COG5: variants seen among roughly 807,000 people sequenced by gnomAD.
COG5 encodes the protein conserved oligomeric Golgi complex subunit 5.
A neutral mutation model predicts 110.4 loss-of-function variants in COG5; 86 were observed. The ratio of observed to expected loss-of-function variants is 0.78; its 90% confidence interval spans 0.65 to 0.93. COG5 has a LOEUF of 0.93. Among genes scored for constraint, COG5 ranks in the 40% least tolerant of loss-of-function variants. The pLI, the probability that COG5 is intolerant of heterozygous loss-of-function variation, is 0.00. For synonymous variants in COG5, 360 were observed against 334.6 expected (o/e 1.08, Z -0.83); for missense variants, 1,077 against 987.0 (o/e 1.09, Z -1.22).
chr7:107,317,406 T>C (rs1808855400), intron 11 of COG5, among the ~76,000 whole-genome samples: 2 of 152,230 alleles, frequency 1.3e-5, no homozygotes, highest in African/African-American at 2.4e-5. Flanking sequence ...CTGATCAGCA[T>C]TAAACTTCCA....
At chr7:107,398,779 C>G (rs139921061) in intron 7 of COG5, among the ~76,000 whole-genome samples, 1 of 152,240 alleles carries the variant, frequency 6.6e-6, no homozygotes, top group East Asian at 1.9e-4. Flanking sequence ...TATAATCTAT[C>G]AAAATTAGTA....
intron 6 of COG5, among the ~76,000 whole-genome samples, chr7:107,454,646 G>A (rs1795550272): frequency 6.6e-6 from 1 of 151,970 alleles, no homozygotes; most frequent in Admixed American, 6.6e-5. Context: ...ATGAAGAAGA[G>A]ATTCTTTTGT....
chr7:107,269,266 A>C (rs930220451), intron 14 of COG5, among the ~76,000 whole-genome samples: 7 of 152,112 alleles, frequency 4.6e-5, no homozygotes, highest in African/African-American at 1.4e-4. Context: ...ACGAGGTCAC[A>C]AGATTGAGAC....
intron 8 of COG5, among the ~76,000 whole-genome samples, chr7:107,367,583 C>T (rs1813747405): frequency 6.6e-6 from 1 of 151,942 alleles, no homozygotes; most frequent in Non-Finnish European, 1.5e-5. Flanking sequence ...CACACACACA[C>T]ACCATGGAAC....
intron 6 of COG5, among the ~76,000 whole-genome samples, chr7:107,480,444 G>C (rs1797272914): frequency 6.6e-6 from 1 of 152,070 alleles, no homozygotes; most frequent in African/African-American, 2.4e-5. Context: ...AGTTAAAAAT[G>C]AGTTGACCAA....
chr7:107,513,777 T>C (rs1283203289), intron 6 of COG5, among the ~76,000 whole-genome samples: 1 of 152,040 alleles, frequency 6.6e-6, no homozygotes, highest in Non-Finnish European at 1.5e-5. Context: ...AAACCATCAT[T>C]CTCAGCAAAC....
intron 6 of COG5, among the ~76,000 whole-genome samples, chr7:107,500,792 G>T (rs1297882404): frequency 6.6e-6 from 1 of 152,032 alleles, no homozygotes; most frequent in Non-Finnish European, 1.5e-5. Context: ...CTCTAACACA[G>T]AAGTTAAAAA....
chr7:107,456,161 C>T (rs1396506498), intron 6 of COG5, among the ~76,000 whole-genome samples: 4 of 152,064 alleles, frequency 2.6e-5, no homozygotes, highest in South Asian at 4.1e-4. Context: ...GCTAACCTAT[C>T]GGTTCTAACA....
chr7:107,227,518 T>C (rs562325297), intron 19 of COG5, among the ~76,000 whole-genome samples: 15 of 152,170 alleles, frequency 9.9e-5, no homozygotes, highest in Non-Finnish European at 2.1e-4. Context: ...TTAGAGATTC[T>C]TTCTCTCATG....
chr7:107,278,010 G>T (rs1452343458), intron 14 of COG5, among the ~76,000 whole-genome samples: 1 of 151,998 alleles, frequency 6.6e-6, no homozygotes, highest in African/African-American at 2.4e-5. Flanking sequence ...CCTTTCTCCT[G>T]ATATGAATAA....
At chr7:107,482,999 C>T (rs1219698631) in intron 6 of COG5, among the ~76,000 whole-genome samples, 1 of 152,154 alleles carries the variant, frequency 6.6e-6, no homozygotes, top group African/African-American at 2.4e-5. Flanking sequence ...AAAATACTTA[C>T]AAATTGTATT....
Position 107,230,771 on chromosome 7 carries a change from T to C in COG5, c.2092-80A>G, listed in dbSNP as rs1163583812. Reference sequence around the variant, plus strand: ...TGGGAAAGACCCGGATCACAGAAAGTTGTAGCTTGCAGTAAACTTAATTTT... The same window carrying C: ...TGGGAAAGACCCGGATCACAGAAAGCTGTAGCTTGCAGTAAACTTAATTTT... On this transcript the variant is annotated intron_variant, in intron 18 of 21. Coordinates refer to ENST00000297135, the MANE Select transcript of COG5 (RefSeq NM_006348.5). 2.7e-6 allele frequency: 3 copies of C among 1,122,760 alleles called. No homozygotes were observed. In the Admixed American group the frequency reaches 5.1e-5, roughly 19 times the overall value. The allele number at this position is 1,122,760 out of a possible 1,614,324, so 69.5% of individuals were successfully genotyped here. A position where few individuals can be genotyped will look rare whatever the true frequency, so the allele number is the denominator to read the frequency against.
rs139515305 is a variant in COG5 at position 107,463,310 on chromosome 7, C to T, written c.539-50678G>A. On this transcript the variant is annotated intron_variant, in intron 6 of 21. Transcript: ENST00000297135. ...AAAGAGATGCACTTGGTAGCTGGGTCAGGCAGGTGGCACTGCTGTACTGGG... is the reference window on the plus strand; with the variant it reads ...AAAGAGATGCACTTGGTAGCTGGGTTAGGCAGGTGGCACTGCTGTACTGGG... Among the ~76,000 whole-genome samples, 467 of 152,316 alleles carry T rather than the reference C, an allele frequency of 3.1e-3. 2 individuals carry two copies. Among genetic ancestry groups the T allele is most frequent in the African/African-American group, 0.01 (422 of 41,558 alleles).
chr7:107,376,451 T>C (rs1214798456), intron 7 of COG5, among the ~76,000 whole-genome samples: 1 of 152,008 alleles, frequency 6.6e-6, no homozygotes, highest in African/African-American at 2.4e-5. Flanking sequence ...CTTTAATTTC[T>C]CTTAATGTTT....
intron 7 of COG5, among the ~76,000 whole-genome samples, chr7:107,383,326 C>A (rs2129053687): frequency 1.3e-5 from 2 of 152,068 alleles, no homozygotes; most frequent in Admixed American, 1.3e-4. Context: ...GAAAACTGGA[C>A]CTGAGGGATC....
At chr7:107,394,106 C>G (rs987076560) in intron 7 of COG5, among the ~76,000 whole-genome samples, 1 of 151,908 alleles carries the variant, frequency 6.6e-6, no homozygotes, top group African/African-American at 2.4e-5. Context: ...GGACTACAGG[C>G]ACCCGCCACC....
rs146835715 is a variant in COG5, at chr7:107,346,688, G to A, written c.1026+15345C>T. Among the ~76,000 whole-genome samples, 361 of 151,996 alleles carry A rather than the reference G, an allele frequency of 2.4e-3. 3 individuals are homozygous for A. Among genetic ancestry groups the A allele is most frequent in the African/African-American group, 8.2e-3 (339 of 41,368 alleles). ...AGGTTTTCTAACACCACATAAACAG[G>A]AGGATATTTTTTTTCTTTTTTTTTA... On this transcript the variant is annotated intron_variant, in intron 10 of 21. Coordinates refer to ENST00000297135, the MANE Select transcript of COG5 (RefSeq NM_006348.5).
At chr7:107,495,715 T>C (rs1358565168) in intron 6 of COG5, among the ~76,000 whole-genome samples, 1 of 152,102 alleles carries the variant, frequency 6.6e-6, no homozygotes, top group Admixed American at 6.6e-5. Context: ...AAGATGCATG[T>C]TGCAATCTCC....
chr7:107,407,421 C>G (rs896370263), intron 7 of COG5, among the ~76,000 whole-genome samples: 1 of 151,994 alleles, frequency 6.6e-6, no homozygotes, highest in Non-Finnish European at 1.5e-5. Context: ...AGACCATCAT[C>G]TAGTGTTTTA....
Sources: gnomAD v4.1 joint callset for allele counts (sites outside exome capture counted in the v4.1 genomes callset) on GRCh38, gnomAD v4.1.1 for gene constraint, MANE v1.5 for transcripts, NCBI Gene and HGNC (gene_info 2026-07-23, HGNC 2026-07-21) for gene names.